The following SIPA1L1 variants were observed in gnomAD, a reference collection of about 807,000 sequenced individuals.
SIPA1L1 encodes the protein signal-induced proliferation-associated 1-like protein 1.
SIPA1L1 carries 26 observed loss-of-function variants against 162.7 expected under a neutral mutation model. That is an observed-to-expected ratio of 0.16 (90% CI 0.12 to 0.22). The LOEUF (loss-of-function observed/expected upper bound fraction) is 0.22. Ranked by LOEUF, SIPA1L1 falls within the 10% of genes least tolerant of loss-of-function variation. The pLI, the probability that SIPA1L1 is intolerant of heterozygous loss-of-function variation, is 1.00. For missense variants in SIPA1L1, 1,874 were observed against 2,241.0 expected, an observed-to-expected ratio of 0.84 and a Z score of 3.31; for synonymous variants, 829 against 837.4, an observed-to-expected ratio of 0.99 and a Z score of 0.17.
chr14:71,650,261 G>T, intron 7 of SIPA1L1, 74 bp from the exon 8 acceptor site: 1 of 1,468,648 alleles, frequency 6.8e-7, no homozygotes, highest in Non-Finnish European at 9.5e-7. Flanking sequence ...GTGCCCTATA[G>T]GACCTTTTAG....
At chr14:71,559,132 A>C (rs2056589296) in intron 4 of SIPA1L1, among the ~76,000 whole-genome samples, 1 of 145,532 alleles carries the variant, frequency 6.9e-6, no homozygotes, top group Admixed American at 7.0e-5. Context: ...CAGTGGCGCT[A>C]TCTCAGCTCA....
At chr14:71,560,932 T>C (rs1168588178) in intron 4 of SIPA1L1, among the ~76,000 whole-genome samples, 1 of 152,178 alleles carries the variant, frequency 6.6e-6, no homozygotes, top group African/African-American at 2.4e-5. Context: ...GATTTAGATA[T>C]TAGGATAGCA....
intron 2 of SIPA1L1, among the ~76,000 whole-genome samples, chr14:71,486,902 C>T (rs540325953): frequency 5.3e-5 from 8 of 152,094 alleles, no homozygotes; most frequent in East Asian, 3.9e-4. Context: ...CTTCTAAAGG[C>T]GCATGTTTTA....
At chr14:71,594,357 A>T (rs1206314926) in intron 5 of SIPA1L1, among the ~76,000 whole-genome samples, 1 of 152,218 alleles carries the variant, frequency 6.6e-6, no homozygotes, top group Non-Finnish European at 1.5e-5. Context: ...TTTTTAGTGC[A>T]TATAGAACAT....
intron 18 of SIPA1L1, 76 bp from the exon 19 acceptor site, chr14:71,724,594 A>G (rs2084053292): frequency 7.7e-6 from 9 of 1,172,286 alleles, no homozygotes; most frequent in African/African-American, 1.5e-5. Context: ...ATTGACTTAC[A>G]TCCTTTAGAG....
intron 2 of SIPA1L1, among the ~76,000 whole-genome samples, chr14:71,497,202 G>T (rs931085394): frequency 6.6e-6 from 1 of 151,108 alleles, no homozygotes; most frequent in Non-Finnish European, 1.5e-5. Context: ...CAAAAAAAAA[G>T]ATCCTACAGT....
At chr14:71,707,598 C>A (rs1359882007) in intron 16 of SIPA1L1, among the ~76,000 whole-genome samples, 1 of 152,150 alleles carries the variant, frequency 6.6e-6, no homozygotes, top group Non-Finnish European at 1.5e-5. Context: ...TGATTATGTT[C>A]CCAAGATTCA....
At chr14:71,502,409 G>T (rs1248589130) in intron 2 of SIPA1L1, among the ~76,000 whole-genome samples, 1 of 149,514 alleles carries the variant, frequency 6.7e-6, no homozygotes, top group South Asian at 2.1e-4. Context: ...TGGCAATTTT[G>T]TGTGTGTGTG....
rs147970737 is a variant in SIPA1L1, at chr14:71,650,316, G to A, written c.1819-19G>A. ...GGATCTGCCTATATTTATATGCATC[G>A]TATTACCTGCCTTCACAGCTGAACT... On this transcript the variant is annotated intron_variant, in intron 7 of 23. Transcript: ENST00000381232. 429 of 1,613,576 alleles carry A rather than the reference G, an allele frequency of 2.7e-4. 1 individual carries two copies. The African/African-American group carries it at 5.2e-3, about 20-fold the overall frequency.
At chr14:71,721,080 G>A (rs964134365) in intron 17 of SIPA1L1, among the ~76,000 whole-genome samples, 3 of 152,136 alleles carry the variant, frequency 2.0e-5, no homozygotes, top group Non-Finnish European at 2.9e-5. Flanking sequence ...GTTTGTACCC[G>A]TCCTTCTGGA....
At chr14:71,421,860 G>C (rs1438160691) in intron 2 of SIPA1L1, among the ~76,000 whole-genome samples, 1 of 152,166 alleles carries the variant, frequency 6.6e-6, no homozygotes, top group Non-Finnish European at 1.5e-5. Flanking sequence ...AGGGCTGAAA[G>C]TAGAGGGAGG....
At chr14:71,589,978 A>G (rs1404530742) in intron 5 of SIPA1L1, among the ~76,000 whole-genome samples, 2 of 147,004 alleles carry the variant, frequency 1.4e-5, no homozygotes, top group African/African-American at 2.5e-5. Context: ...TACCTTTGAC[A>G]TAAGGGCCAC....
At chr14:71,372,602 C>T (rs1292825762) in intron 2 of SIPA1L1, among the ~76,000 whole-genome samples, 2 of 152,134 alleles carry the variant, frequency 1.3e-5, no homozygotes, top group Non-Finnish European at 2.9e-5. Context: ...AGTATATTGA[C>T]ATCACATTCC....
chr14:71,543,834 TATC>T (rs2054714091), intron 4 of SIPA1L1, among the ~76,000 whole-genome samples: 1 of 144,410 alleles, frequency 6.9e-6, no homozygotes, highest in Admixed American at 6.9e-5. Flanking sequence ...TATATACATA[TATC>T]ATATGTATGT....
At chr14:71,601,338 A>G (rs925039498) in intron 5 of SIPA1L1, among the ~76,000 whole-genome samples, 2 of 152,052 alleles carry the variant, frequency 1.3e-5, no homozygotes, top group Non-Finnish European at 1.5e-5. Flanking sequence ...TTTTATGTGT[A>G]TTGGGATGGT....
chr14:71,467,491 C>G (rs2047093355), intron 2 of SIPA1L1, among the ~76,000 whole-genome samples: 1 of 152,156 alleles, frequency 6.6e-6, no homozygotes, highest in South Asian at 2.1e-4. Flanking sequence ...AAGCCCAAAT[C>G]TAAGCATTAT....
At chr14:71,681,985 A>G (rs914530124) in intron 12 of SIPA1L1, among the ~76,000 whole-genome samples, 1 of 152,214 alleles carries the variant, frequency 6.6e-6, no homozygotes, top group African/African-American at 2.4e-5. Context: ...GTTTTATAAA[A>G]GTTGTTGAAT....
chr14:71,668,974 G>T (rs1001764803), intron 10 of SIPA1L1, among the ~76,000 whole-genome samples: 1 of 152,058 alleles, frequency 6.6e-6, no homozygotes, highest in Non-Finnish European at 1.5e-5. Flanking sequence ...CTTAAACCAG[G>T]CCTTATTATC....
chr14:71,674,563 T>A (rs530384988), intron 12 of SIPA1L1, among the ~76,000 whole-genome samples: 1 of 149,714 alleles, frequency 6.7e-6, no homozygotes, highest in East Asian at 1.9e-4. Context: ...TTTTTTTGTT[T>A]TTTTTTGTTT....
Sources: gnomAD v4.1 joint callset for allele counts (sites outside exome capture counted in the v4.1 genomes callset) on GRCh38, gnomAD v4.1.1 for gene constraint, MANE v1.5 for transcripts, NCBI Gene and HGNC (gene_info 2026-07-23, HGNC 2026-07-21) for gene names.